The following CDH12 variants were observed in gnomAD, a reference collection of about 807,000 sequenced individuals.
The protein encoded by CDH12 is cadherin 12.
CDH12 carries 41 observed loss-of-function variants against 74.1 expected under a neutral mutation model. The ratio of observed to expected loss-of-function variants is 0.55; its 90% CI spans 0.43 to 0.72. The LOEUF (loss-of-function observed/expected upper bound fraction) is 0.72. CDH12 is among the 30% of genes least tolerant of loss of function. CDH12 has a pLI of 0.00. For synonymous variants in CDH12, 399 were observed against 355.0 expected, an observed-to-expected ratio of 1.12 and a Z score of -1.39; for missense variants, 945 against 977.2, an observed-to-expected ratio of 0.97 and a Z score of 0.44.
chr5:22,046,493 C>T (rs1186819476), intron 5 of CDH12, among the ~76,000 whole-genome samples: 3 of 135,038 alleles, frequency 2.2e-5, no homozygotes, highest in East Asian at 2.2e-4. Flanking sequence ...AGTGCAGTGG[C>T]GCGATTTGGC....
intron 1 of CDH12, among the ~76,000 whole-genome samples, chr5:22,717,642 C>T (rs1743648076): frequency 6.6e-6 from 1 of 152,076 alleles, no homozygotes; most frequent in Non-Finnish European, 1.5e-5. Flanking sequence ...AACATGTTTT[C>T]TGGAGTTCAT....
intron 8 of CDH12, among the ~76,000 whole-genome samples, chr5:21,825,352 A>G (rs567448424): frequency 1.1e-4 from 17 of 152,230 alleles, no homozygotes; most frequent in African/African-American, 3.1e-4. Context: ...CATTCTTTCA[A>G]TTGAAGTGTC....
intron 11 of CDH12, among the ~76,000 whole-genome samples, chr5:21,769,176 TA>T (rs1745186501): frequency 6.6e-6 from 1 of 152,100 alleles, no homozygotes; most frequent in Non-Finnish European, 1.5e-5. Flanking sequence ...TTTTTTATTC[TA>T]ACACTGTGCA....
chr5:22,695,702 A>T (rs1050845476), intron 1 of CDH12, among the ~76,000 whole-genome samples: 1 of 152,138 alleles, frequency 6.6e-6, no homozygotes, highest in Non-Finnish European at 1.5e-5. Flanking sequence ...GTCACTTTCA[A>T]TTGAAATTGC....
intron 1 of CDH12, among the ~76,000 whole-genome samples, chr5:22,571,991 A>G (rs1275883748): frequency 6.6e-6 from 1 of 152,316 alleles, no homozygotes; most frequent in Admixed American, 6.5e-5. Flanking sequence ...TAAAGTAAGC[A>G]TATGCTGTTG....
At chr5:21,997,674 A>G (rs550558414) in intron 5 of CDH12, among the ~76,000 whole-genome samples, 2 of 152,248 alleles carry the variant, frequency 1.3e-5, no homozygotes, top group East Asian at 1.9e-4. Context: ...TTAAATATAG[A>G]CAGAAGATTC....
At chr5:22,447,424 A>G (rs529814767) in intron 2 of CDH12, among the ~76,000 whole-genome samples, 3 of 152,236 alleles carry the variant, frequency 2.0e-5, no homozygotes, top group Non-Finnish European at 2.9e-5. Context: ...AAATATTAAC[A>G]AGCCTAATGC....
intron 1 of CDH12, among the ~76,000 whole-genome samples, chr5:22,518,326 T>C (rs192310985): frequency 6.6e-6 from 1 of 152,226 alleles, no homozygotes. Flanking sequence ...AGCAGAAGTA[T>C]TACAATGGCT....
intron 4 of CDH12, among the ~76,000 whole-genome samples, chr5:22,172,929 C>A (rs1171921394): frequency 6.6e-6 from 1 of 151,402 alleles, no homozygotes; most frequent in Admixed American, 6.6e-5. Flanking sequence ...GAACCACAAC[C>A]CATCTTTTCT....
chr5:22,585,638 C>G (rs570737699), intron 1 of CDH12, among the ~76,000 whole-genome samples: 3 of 152,172 alleles, frequency 2.0e-5, no homozygotes, highest in Admixed American at 2.0e-4. Context: ...ATACTTTCTT[C>G]TGAAGGATCT....
chr5:21,842,459 T>G (rs1225213196), intron 7 of CDH12, 131 bp from the exon 8 acceptor site: 2 of 601,202 alleles, frequency 3.3e-6, no homozygotes, highest in South Asian at 5.2e-5. Context: ...AAATTGTATC[T>G]TTTAAAAAGT....
At chr5:22,651,881 T>A (rs1224241946) in intron 1 of CDH12, among the ~76,000 whole-genome samples, 1 of 152,024 alleles carries the variant, frequency 6.6e-6, no homozygotes, top group Non-Finnish European at 1.5e-5. Context: ...AAGGAGCAAA[T>A]CTTTTCAAGT....
intron 3 of CDH12, among the ~76,000 whole-genome samples, chr5:22,353,672 T>C (rs537439075): frequency 6.6e-6 from 1 of 152,298 alleles, no homozygotes; most frequent in Admixed American, 6.5e-5. Flanking sequence ...TACAGACCTA[T>C]ATGCAAAAAG....
intron 4 of CDH12, among the ~76,000 whole-genome samples, chr5:22,167,401 G>T (rs1224818982): frequency 6.6e-6 from 1 of 152,176 alleles, no homozygotes; most frequent in Non-Finnish European, 1.5e-5. Flanking sequence ...AAAGTTTAAT[G>T]CCATGGACAG....
intron 4 of CDH12, among the ~76,000 whole-genome samples, chr5:22,196,437 C>T (rs565242449): frequency 6.6e-6 from 1 of 152,182 alleles, no homozygotes; most frequent in Admixed American, 6.5e-5. Flanking sequence ...GCCACTGTGC[C>T]TGGCCTGTAT....
intron 3 of CDH12, among the ~76,000 whole-genome samples, chr5:22,219,728 T>G (rs1751945346): frequency 6.6e-6 from 1 of 151,662 alleles, no homozygotes; most frequent in Non-Finnish European, 1.5e-5. Context: ...TGCCTAGGAT[T>G]GCAATGACAC....
At chr5:21,934,171 G>A (rs979111600) in intron 6 of CDH12, among the ~76,000 whole-genome samples, 2 of 151,914 alleles carry the variant, frequency 1.3e-5, no homozygotes, top group East Asian at 1.9e-4. Context: ...CTGTGTCCCC[G>A]CCCAAATCTG....
At chr5:22,623,784 T>C (rs1253125977) in intron 1 of CDH12, among the ~76,000 whole-genome samples, 2 of 152,290 alleles carry the variant, frequency 1.3e-5, no homozygotes, top group Non-Finnish European at 2.9e-5. Flanking sequence ...AAGCTACCAA[T>C]GACTTTCTTC....
At chr5:22,448,476 A>G (rs1744916110) in intron 2 of CDH12, among the ~76,000 whole-genome samples, 1 of 152,044 alleles carries the variant, frequency 6.6e-6, no homozygotes, top group African/African-American at 2.4e-5. Context: ...TGAGTAGAAA[A>G]CAGATCAAAG....
Sources: allele counts gnomAD v4.1 joint callset (sites outside exome capture counted in the v4.1 genomes callset), GRCh38; gene constraint gnomAD v4.1.1; transcripts MANE v1.5; gene names NCBI Gene and HGNC (gene_info 2026-07-23, HGNC 2026-07-21).